The following FGF20 variants were observed in gnomAD, a reference collection of about 807,000 sequenced individuals.
FGF20 encodes the protein fibroblast growth factor 20.
FGF20 carries 8 observed loss-of-function variants against 16.7 expected under a neutral mutation model. The observed-to-expected ratio is 0.48, with a 90% CI of 0.28 to 0.87. The LOEUF (loss-of-function observed/expected upper bound fraction) is 0.87. Ranked by LOEUF, FGF20 falls within the 40% of genes least tolerant of loss-of-function variation. FGF20 has a pLI of 0.10. For synonymous variants in FGF20, 161 were observed against 118.6 expected (o/e 1.36, Z -2.32); for missense variants, 397 against 281.4 (o/e 1.41, Z -2.94).
Position 17,002,135 on chromosome 8 carries a change from G to C in FGF20, c.-103C>G, listed in dbSNP as rs1168274296. On this transcript the variant is annotated 5_prime_UTR_variant, in exon 1 of 3. Transcript: ENST00000180166. ...AATTATAGCAAAACGAGCGCAAAAAGTTAAGGCCCGGTTACTCCTCTGAGG... is the reference window on the plus strand; with the variant it reads ...AATTATAGCAAAACGAGCGCAAAAACTTAAGGCCCGGTTACTCCTCTGAGG... 8.0e-7 allele frequency: 1 copy of C among 1,254,332 alleles called. No homozygotes were observed. Among genetic ancestry groups the C allele is most frequent in the Non-Finnish European group, 1.0e-6 (1 of 958,420 alleles). The allele number at this position is 1,254,332 out of a possible 1,614,324, so 77.7% of individuals were successfully genotyped here. A position where few individuals can be genotyped will look rare whatever the true frequency, so the allele number is the denominator to read the frequency against.
chr8:16,993,011 G>T lies in FGF20; in HGVS notation c.*61C>A. The T allele has an allele frequency of 6.5e-7, 1 of 1,545,148 alleles. No individual in the cohort carries two copies. ...TCTCCTTGGGTCATTATTTTATGATGGGAACTATGACAAGAAAGAATGGTT... is the reference window on the plus strand; with the variant it reads ...TCTCCTTGGGTCATTATTTTATGATTGGAACTATGACAAGAAAGAATGGTT... On this transcript the variant is annotated 3_prime_UTR_variant, in exon 3 of 3. Transcript: ENST00000180166.
intron 1 of FGF20, among the ~76,000 whole-genome samples, chr8:16,999,487 C>G (rs1183130602): frequency 2.8e-5 from 4 of 145,446 alleles, no homozygotes; most frequent in Admixed American, 2.7e-4. Flanking sequence ...TTTTCTGTCA[C>G]TGGAGAGATT....
At position 17,002,078 on chromosome 8, in the gene FGF20, T is replaced by C. The variant is rs753958454; in HGVS notation, c.-46A>G. 4.5e-5 allele frequency: 66 copies of C among 1,482,544 alleles called. No individual in the cohort carries two copies. The highest frequency in any genetic ancestry group is 7.4e-5 in the African/African-American group (5 of 67,660). The allele number at this position is 1,482,544 out of a possible 1,614,324, so 91.8% of individuals were successfully genotyped here. ...CAAAAGACCCCCCCAGTAAAGAGTG[T>C]TGTGGGGGTGGGATGGAGGTGGATA... is the stretch of plus-strand genomic sequence containing the variant. On this transcript the variant is annotated 5_prime_UTR_variant, in exon 1 of 3. Coordinates refer to ENST00000180166, the MANE Select transcript of FGF20 (RefSeq NM_019851.3).
At chr8:16,996,388 T>A (rs11203822) in intron 1 of FGF20, among the ~76,000 whole-genome samples, 55,016 of 151,838 alleles carry the variant, frequency 0.36, 11,332 homozygotes, top group East Asian at 0.53. Context: ...CTAACCAGGT[T>A]GAGCAGGCAA....
Position 17,002,007 on chromosome 8 carries a change from C to T in FGF20, c.26G>A (p.Gly9Asp), listed in dbSNP as rs764133199. The T allele has an allele frequency of 1.0e-5, 16 of 1,534,786 alleles. No individual in the cohort carries two copies. Among genetic ancestry groups the T allele is most frequent in the Non-Finnish European group, 1.4e-5 (16 of 1,141,342 alleles). ...CAAGCCCTCCAGGCCGCCCAGAAAG[C>T]CCCCGACTTCGGCTAAGGGAGCCAT... Reference protein sequence around the residue: MAPLAEVGGFLGGLEGLGQ... With the variant: MAPLAEVGDFLGGLEGLGQ... Residue 9 changes from glycine to aspartate, a missense_variant, in exon 1 of 3, where the codon GGC becomes GAC. Transcript: ENST00000180166.
At chr8:16,994,911 G>T (rs1333242551) in intron 2 of FGF20, among the ~76,000 whole-genome samples, 4 of 152,142 alleles carry the variant, frequency 2.6e-5, no homozygotes, top group African/African-American at 9.7e-5. Flanking sequence ...AATCCATGTT[G>T]TGCTGTAAGG....
chr8:16,992,831 T>C lies in FGF20; in HGVS notation c.*241A>G, dbSNP rs1370450548. ...TAACAGATTTTTGGCTTCAGTCTAC[T>C]GGTAAGGACTAATCCAATGTATCTA... is the stretch of plus-strand genomic sequence containing the variant. On this transcript the variant is annotated 3_prime_UTR_variant, in exon 3 of 3. Coordinates refer to ENST00000180166, the MANE Select transcript of FGF20 (RefSeq NM_019851.3). 1.1e-5 allele frequency: 4 copies of C among 375,256 alleles called. No individual in the cohort carries two copies. Among genetic ancestry groups the C allele is most frequent in the East Asian group, 4.9e-5 (1 of 20,304 alleles). The allele number at this position is 375,256 out of a possible 1,614,324, so 23.2% of individuals were successfully genotyped here.
At chr8:17,000,831 GTTTC>G (rs972376591) in intron 1 of FGF20, among the ~76,000 whole-genome samples, 7 of 152,022 alleles carry the variant, frequency 4.6e-5, no homozygotes, top group South Asian at 2.1e-4. Flanking sequence ...TCATTCTCTT[GTTTC>G]TTTTAACCCC....
chr8:17,001,970 C>T lies in FGF20; in HGVS notation c.63G>A (p.Val21=), dbSNP rs1017405468. The part of the protein sequence containing the change: ...LGGLEGLGQQ[V]GSHFLLPPAG... ...CAGGAGGCAACAGGAAATGCGAACC[C>T]ACCTGCTGGCCCAAGCCCTCCAGGC... The change falls in exon 1 of 3, where the codon GTG becomes GTA. Residue 21 remains valine, a synonymous_variant. Transcript: ENST00000180166. The T allele has an allele frequency of 6.6e-7, 1 of 1,510,836 alleles. No homozygotes were observed. The highest frequency in any genetic ancestry group is 1.4e-5 in the African/African-American group (1 of 69,308). The allele number at this position is 1,510,836 out of a possible 1,614,324, so 93.6% of individuals were successfully genotyped here.
intron 1 of FGF20, among the ~76,000 whole-genome samples, chr8:16,998,336 TTG>T: frequency 6.6e-6 from 1 of 152,308 alleles, no homozygotes; most frequent in East Asian, 1.9e-4. Flanking sequence ...GATATGTGTT[TTG>T]TGTGTGTGTT....
chr8:16,999,488 T>C (rs889559556), intron 1 of FGF20, among the ~76,000 whole-genome samples: 2 of 149,456 alleles, frequency 1.3e-5, no homozygotes, highest in South Asian at 4.3e-4. Flanking sequence ...TTTCTGTCAC[T>C]GGAGAGATTA....
At chr8:16,996,795 A>G (rs966457331) in intron 1 of FGF20, among the ~76,000 whole-genome samples, 2 of 152,218 alleles carry the variant, frequency 1.3e-5, no homozygotes, top group East Asian at 3.8e-4. Flanking sequence ...AGGCTCAGAA[A>G]GGCTTATTGA....
At chr8:16,998,604 T>C (rs2150435838) in intron 1 of FGF20, among the ~76,000 whole-genome samples, 1 of 152,258 alleles carries the variant, frequency 6.6e-6, no homozygotes, top group South Asian at 2.1e-4. Flanking sequence ...TGGAGGTACT[T>C]TGCCTTTCTG....
chr8:17,001,717 T>A (rs765621431), intron 1 of FGF20, 30 bp downstream of exon 1: 5 of 1,548,484 alleles, frequency 3.2e-6, no homozygotes, highest in Non-Finnish European at 4.3e-6. Flanking sequence ...GGGGCGCAGA[T>A]GGGGGTGGGG....
At chr8:17,000,542 T>C (rs1360175507) in intron 1 of FGF20, among the ~76,000 whole-genome samples, 1 of 152,042 alleles carries the variant, frequency 6.6e-6, no homozygotes, top group Non-Finnish European at 1.5e-5. Flanking sequence ...GGGTGACAAA[T>C]TAATGGTATC....
At chr8:16,999,615 C>T (rs948137337) in intron 1 of FGF20, among the ~76,000 whole-genome samples, 1 of 150,264 alleles carries the variant, frequency 6.7e-6, no homozygotes, top group Non-Finnish European at 1.5e-5. Context: ...CTGCGCCTCC[C>T]GGGTTCAAGC....
Position 16,993,162 on chromosome 8 carries a change from C to T in FGF20, c.546G>A (p.Lys182=). ...AGAAATGTGTAAATTTCTGATGCCT[C>T]TTGGACCTGGCGCCATCTCTTGGAG... ...DGTPRDGARS[K]RHQKFTHFLP... Residue 182 remains lysine, a synonymous_variant, in exon 3 of 3, where the codon AAG becomes AAA. Transcript: ENST00000180166. 1 of 1,614,060 alleles carries T rather than the reference C, an allele frequency of 6.2e-7. No individual in the cohort carries two copies. Among genetic ancestry groups the T allele is most frequent in the Non-Finnish European group, 8.5e-7 (1 of 1,180,010 alleles).
intron 1 of FGF20, among the ~76,000 whole-genome samples, chr8:16,999,688 A>ATCT (rs1172928911): frequency 3.0e-5 from 4 of 132,828 alleles, no homozygotes; most frequent in African/African-American, 1.2e-4. Context: ...CGCCCAGCTA[A>ATCT]TTTTTTTTTT....
In FGF20 at chr8:17,002,072, A is replaced by C; in HGVS notation, c.-40T>G. On this transcript the variant is annotated 5_prime_UTR_variant, in exon 1 of 3. Coordinates refer to ENST00000180166, the MANE Select transcript of FGF20 (RefSeq NM_019851.3). ...GGAACACAAAAGACCCCCCCAGTAA[A>C]GAGTGTTGTGGGGGTGGGATGGAGG... is the stretch of plus-strand genomic sequence containing the variant. 6.7e-7 allele frequency: 1 copy of C among 1,498,300 alleles called. No individual in the cohort carries two copies. Among genetic ancestry groups the C allele is most frequent in the Non-Finnish European group, 8.9e-7 (1 of 1,126,980 alleles). 92.8% of individuals were successfully genotyped at this position (1,498,300 alleles called of 1,614,324 possible). A position where few individuals can be genotyped will look rare whatever the true frequency, so the allele number is the denominator to read the frequency against.
Sources: allele counts gnomAD v4.1 joint callset (sites outside exome capture counted in the v4.1 genomes callset), GRCh38; gene constraint gnomAD v4.1.1; transcripts MANE v1.5; gene names NCBI Gene and HGNC (gene_info 2026-07-23, HGNC 2026-07-21).